NARF: variants seen among roughly 807,000 people sequenced by gnomAD.
NARF encodes the protein iron-only hydrogenase-like protein 2.
Under a neutral mutation model 48.0 loss-of-function variants are expected in NARF, and 41 were observed. The ratio of observed to expected loss-of-function variants is 0.85; its 90% confidence interval spans 0.66 to 1.11. The LOEUF is 1.11. Among genes scored for constraint, NARF ranks in the 50% least tolerant of loss-of-function variants. The pLI, the probability that NARF is intolerant of heterozygous loss-of-function variation, is 0.00. For synonymous variants in NARF, 215 were observed against 225.5 expected (o/e 0.95, Z 0.42); for missense variants, 613 against 590.2 (o/e 1.04, Z -0.40).
intron 1 of NARF, chr17:82,459,546 C>A (rs12051807): frequency 0.44 from 72,064 of 162,338 alleles, 17,528 homozygotes; most frequent in East Asian, 0.92. Flanking sequence ...GTGTGTCCTT[C>A]AGTACCTGTT....
In NARF at chr17:82,468,850, T is replaced by G. The variant is rs1567933061; in HGVS notation, c.339T>G (p.Ser113Arg). ...ATTTTGCTGCTAAATTCAACCTCAG[T>G]GTAACTGATGCATCCAGAAGACTCT... ...LPYFAAKFNL[S>R]VTDASRRLCG... Residue 113 changes from serine (S) to arginine (R), a missense_variant, in exon 4 of 11, where the codon AGT (serine) becomes AGG (arginine). Coordinates refer to ENST00000309794, the MANE Select transcript of NARF (RefSeq NM_012336.4). The G allele has an allele frequency of 6.2e-7, 1 of 1,614,166 alleles. No individual in the cohort carries two copies.
chr17:82,472,470 C>G, intron 4 of NARF, 94 bp from the exon 5 acceptor site: 4 of 1,388,958 alleles, frequency 2.9e-6, no homozygotes, highest in Non-Finnish European at 3.8e-6. Context: ...GGTGACAGAA[C>G]GAGACTCCGT....
At chr17:82,459,309 GT>G (rs1033381227) in intron 1 of NARF, 8 of 447,734 alleles carry the variant, frequency 1.8e-5, no homozygotes, top group African/African-American at 1.7e-4. Context: ...ACGCAGGGGG[GT>G]TTTGTAGCTG....
intron 1 of NARF, 181 bp downstream of exon 1, chr17:82,459,011 G>A: frequency 5.0e-6 from 6 of 1,210,640 alleles, no homozygotes; most frequent in Non-Finnish European, 6.2e-6. Context: ...GCTGCGCTCT[G>A]CAGGGCGGGT....
chr17:82,484,928 G>A lies in NARF; in HGVS notation c.949G>A (p.Glu317Lys). The change falls in exon 9 of 11, where the codon GAG becomes AAG. Residue 317 changes from glutamate to lysine, a missense_variant. By Grantham distance (56) the Glu-to-Lys change is moderately conservative (BLOSUM62 1). Coordinates refer to ENST00000309794, the MANE Select transcript of NARF (RefSeq NM_012336.4). The part of the protein sequence containing the change: ...AKELFNEDVE[E>K]VTYRALRNKD... ...GGAGCTGTTCAACGAGGATGTGGAGGAGGTCACTTACCGAGCCCTGAGGTG... is the reference window on the plus strand; with the variant it reads ...GGAGCTGTTCAACGAGGATGTGGAGAAGGTCACTTACCGAGCCCTGAGGTG... The A allele has an allele frequency of 6.2e-7, 1 of 1,611,746 alleles. No homozygotes were observed. Among genetic ancestry groups the A allele is most frequent in the East Asian group, 2.2e-5 (1 of 44,790 alleles).
Position 82,458,764 on chromosome 17 carries a change from T to C in NARF, c.-40T>C. ...GTGTCCCAGTCTCCCGGTGCTTCCC[T>C]GAGGCTGAGGCGCCCGGCCTCCCGC... On this transcript the variant is annotated 5_prime_UTR_variant, in exon 1 of 11. Coordinates refer to ENST00000309794, the MANE Select transcript of NARF (RefSeq NM_012336.4). 3 of 1,471,828 alleles carry C rather than the reference T, an allele frequency of 2.0e-6. No homozygotes were observed. Among genetic ancestry groups the C allele is most frequent in the East Asian group, 2.8e-5 (1 of 36,056 alleles). The allele number at this position is 1,471,828 out of a possible 1,614,324, so 91.2% of individuals were successfully genotyped here.
At chr17:82,475,490 G>A (rs546789591) in intron 5 of NARF, among the ~76,000 whole-genome samples, 4 of 152,160 alleles carry the variant, frequency 2.6e-5, no homozygotes, top group South Asian at 2.1e-4. Flanking sequence ...CCTGCTACTC[G>A]GGAGGCTGAG....
Position 82,469,634 on chromosome 17 carries a change from C to T in NARF, c.385+738C>T, listed in dbSNP as rs56222084. Among the ~76,000 whole-genome samples, 359 of 152,192 alleles carry T rather than the reference C, an allele frequency of 2.4e-3. 3 individuals are homozygous for T. The highest frequency in any genetic ancestry group is 7.8e-3 in the African/African-American group (326 of 41,534). On this transcript the variant is annotated intron_variant, in intron 4 of 10. Coordinates refer to ENST00000309794, the MANE Select transcript of NARF (RefSeq NM_012336.4). ...TTGTTTGTTTTTTGAGCTGGAGTCT[C>T]GCTCTTGGTGCCCCAGGCTGGAGTG... is the stretch of plus-strand genomic sequence containing the variant.
chr17:82,464,166 C>A, intron 2 of NARF, 121 bp from the exon 3 acceptor site: 1 of 1,337,670 alleles, frequency 7.5e-7, no homozygotes, highest in Non-Finnish European at 1.0e-6. Context: ...AGCACCAGGC[C>A]TGGACCCTGG....
chr17:82,478,972 C>T (rs2043898645), intron 6 of NARF, 54 bp downstream of exon 6: 3 of 1,531,272 alleles, frequency 2.0e-6, no homozygotes, highest in East Asian at 2.3e-5. Context: ...GACCATGGCA[C>T]AGGGGCCCAG....
chr17:82,464,190 G>C, intron 2 of NARF, 97 bp from the exon 3 acceptor site: 2 of 1,479,256 alleles, frequency 1.4e-6, no homozygotes, highest in Non-Finnish European at 1.8e-6. Flanking sequence ...TATCTCCAAT[G>C]TTTACTGTGA....
At position 82,484,934 on chromosome 17, in the gene NARF, A is replaced by G. The variant is rs2044061572; in HGVS notation, c.955A>G (p.Thr319Ala). 1.2e-6 allele frequency: 2 copies of G among 1,610,350 alleles called. No homozygotes were observed. The highest frequency in any genetic ancestry group is 1.7e-6 in the Non-Finnish European group (2 of 1,178,122). Reference sequence around the variant, plus strand: ...GTTCAACGAGGATGTGGAGGAGGTCACTTACCGAGCCCTGAGGTGTGGGGC... The same window carrying G: ...GTTCAACGAGGATGTGGAGGAGGTCGCTTACCGAGCCCTGAGGTGTGGGGC... ...ELFNEDVEEV[T>A]YRALRNKDFQ... Residue 319 changes from threonine to alanine, a missense_variant, in exon 9 of 11, where the codon ACT (threonine) becomes GCT (alanine). Physicochemically the swap from Thr to Ala is moderately conservative, Grantham distance 58 (BLOSUM62 0). Coordinates refer to ENST00000309794, the MANE Select transcript of NARF (RefSeq NM_012336.4).
intron 2 of NARF, among the ~76,000 whole-genome samples, chr17:82,462,113 C>G (rs1033317609): frequency 6.6e-6 from 1 of 152,176 alleles, no homozygotes; most frequent in Non-Finnish European, 1.5e-5. Context: ...ACCTCCCTCC[C>G]AGGACTGTGG....
rs765640579 is a variant in NARF at position 82,484,831 on chromosome 17, G to A, written c.852G>A (p.Glu284=). The change falls in exon 9 of 11, where the codon GAG becomes GAA. Residue 284 remains glutamate (E), a synonymous_variant. Transcript: ENST00000309794. ...AVDTLFGDLK[E]DKVTRHDGAS... ...TTGTGAGGTTTGGAGACTTGAAGGAGGACAAAGTGACGCGTCATGATGGAG... is the reference window on the plus strand; with the variant it reads ...TTGTGAGGTTTGGAGACTTGAAGGAAGACAAAGTGACGCGTCATGATGGAG... The A allele has an allele frequency of 6.2e-7, 1 of 1,607,694 alleles. No individual in the cohort carries two copies. Among genetic ancestry groups the A allele is most frequent in the South Asian group, 1.1e-5 (1 of 90,244 alleles).
chr17:82,480,309 A>ACACACACACT (rs556527973), intron 6 of NARF: 25 of 398,696 alleles, frequency 6.3e-5, no homozygotes, highest in African/African-American at 3.9e-4. Context: ...ACACACACAC[A>ACACACACACT]CACTCACTCA....
intron 5 of NARF, among the ~76,000 whole-genome samples, chr17:82,476,353 G>T (rs148095199): frequency 0.015 from 2,276 of 152,230 alleles, 66 homozygotes; most frequent in African/African-American, 0.053. Flanking sequence ...TGTTGGCCAG[G>T]CCAGTCTCAA....
chr17:82,470,275 G>T (rs1030832974), intron 4 of NARF, among the ~76,000 whole-genome samples: 1 of 152,082 alleles, frequency 6.6e-6, no homozygotes, highest in African/African-American at 2.4e-5. Context: ...AGCGACAGGT[G>T]CCCACACGTT....
chr17:82,468,078 G>A (rs1378527222), intron 3 of NARF, among the ~76,000 whole-genome samples: 1 of 152,054 alleles, frequency 6.6e-6, no homozygotes, highest in South Asian at 2.1e-4. Flanking sequence ...TTGGGAGGCC[G>A]AGGCAGGTGG....
At position 82,485,641 on chromosome 17, in the gene NARF, C is replaced by T. The variant is rs764077450; in HGVS notation, c.1116C>T (p.Leu372=). ...GKFPFHFVEV[L]ACAGGCLNGR... is the part of the protein sequence containing the mutation. ...TCCCATTCCACTTTGTGGAGGTCCT[C>T]GCCTGTGCTGGAGGTGAGGCGCCAA... Residue 372 remains leucine, a synonymous_variant, in exon 10 of 11, where the codon CTC becomes CTT. Coordinates refer to ENST00000309794, the MANE Select transcript of NARF (RefSeq NM_012336.4). 29 of 1,613,992 alleles carry T rather than the reference C, an allele frequency of 1.8e-5. No homozygotes were observed. In the South Asian group the frequency reaches 2.5e-4, roughly 14 times the overall value.
Sources: gnomAD v4.1 joint callset for allele counts (sites outside exome capture counted in the v4.1 genomes callset) on GRCh38, gnomAD v4.1.1 for gene constraint, MANE v1.5 for transcripts, NCBI Gene and HGNC (gene_info 2026-07-23, HGNC 2026-07-21) for gene names.